The following CACNB4 variants were observed in gnomAD, a reference collection of about 807,000 sequenced individuals.
CACNB4 encodes calcium voltage-gated channel auxiliary subunit beta 4.
Under a neutral mutation model 71.2 loss-of-function variants are expected in CACNB4, and 32 were observed. The ratio of observed to expected loss-of-function variants is 0.45; its 90% CI spans 0.34 to 0.60. The LOEUF (loss-of-function observed/expected upper bound fraction) is 0.60, where lower values mean the gene tolerates loss of function less well. Ranked by LOEUF, CACNB4 falls within the 20% of genes least tolerant of loss-of-function variation. The probability of loss-of-function intolerance (pLI) is 0.01; values close to 1 mark genes in which losing one functional copy is unlikely to be tolerated. For synonymous variants in CACNB4, 231 were observed against 236.9 expected, an observed-to-expected ratio of 0.97 and a Z score of 0.23; for missense variants, 464 against 647.9, an observed-to-expected ratio of 0.72 and a Z score of 3.08.
At chr2:152,069,009 C>T (rs539203675) in intron 2 of CACNB4, among the ~76,000 whole-genome samples, 10 of 152,274 alleles carry the variant, frequency 6.6e-5, no homozygotes, top group African/African-American at 2.2e-4. Context: ...AAAGAGGTGC[C>T]GGATGCTTGG....
chr2:152,071,145 T>A (rs1686666147), intron 2 of CACNB4, among the ~76,000 whole-genome samples: 1 of 152,244 alleles, frequency 6.6e-6, no homozygotes, highest in Non-Finnish European at 1.5e-5. Flanking sequence ...AATCAAAGGC[T>A]GTATACTTAA....
intron 2 of CACNB4, among the ~76,000 whole-genome samples, chr2:151,887,210 A>G (rs1315611484): frequency 6.6e-6 from 1 of 152,254 alleles, no homozygotes; most frequent in East Asian, 1.9e-4. Flanking sequence ...ATTTTCTAGC[A>G]TTCTATTCAT....
In CACNB4 at chr2:151,832,930, CG is replaced by C. The variant is rs2099834130; in HGVS notation, c.*6188del. 3 of 152,156 alleles carry C rather than the reference CG, an allele frequency of 2.0e-5. No homozygotes were observed. Among genetic ancestry groups the C allele is most frequent in the South Asian group, 2.1e-4 (1 of 4,828 alleles). The allele number at this position is 152,156 out of a possible 1,614,324, so 9.4% of individuals were successfully genotyped here. A position where few individuals can be genotyped will look rare whatever the true frequency, so the allele number is the denominator to read the frequency against. ...GTTTTTATTCACAAAAATAACACCA[CG>C]TTTTTTTCTTTAAAGCCACTAAAGC... On this transcript the variant is annotated 3_prime_UTR_variant, in exon 14 of 14. Coordinates refer to ENST00000539935, the MANE Select transcript of CACNB4 (RefSeq NM_000726.5).
At chr2:151,958,838 G>A (rs181633147) in intron 2 of CACNB4, among the ~76,000 whole-genome samples, 5 of 152,198 alleles carry the variant, frequency 3.3e-5, no homozygotes, top group African/African-American at 7.2e-5. Context: ...ATCTGTGAAC[G>A]GCTCCCAATT....
intron 2 of CACNB4, among the ~76,000 whole-genome samples, chr2:152,074,073 G>A (rs1686854514): frequency 6.6e-6 from 1 of 151,998 alleles, no homozygotes; most frequent in African/African-American, 2.4e-5. Flanking sequence ...AGGCAGGCAG[G>A]GGAGGAATGG....
intron 2 of CACNB4, among the ~76,000 whole-genome samples, chr2:152,077,925 T>A (rs1007473209): frequency 5.9e-5 from 9 of 152,200 alleles, no homozygotes; most frequent in Non-Finnish European, 8.8e-5. Context: ...TGGCCTGATC[T>A]GATTTCCTTT....
intron 2 of CACNB4, among the ~76,000 whole-genome samples, chr2:152,097,138 A>G (rs1283119712): frequency 6.6e-6 from 1 of 152,232 alleles, no homozygotes; most frequent in East Asian, 1.9e-4. Flanking sequence ...GCTGAATTAA[A>G]TGGTAGTCAA....
chr2:151,945,116 T>A (rs1392254021), intron 2 of CACNB4, among the ~76,000 whole-genome samples: 1 of 152,232 alleles, frequency 6.6e-6, no homozygotes, highest in Non-Finnish European at 1.5e-5. Context: ...AATAAGTGAC[T>A]GAGACACTCG....
At chr2:151,923,530 G>A (rs2099859477) in intron 2 of CACNB4, among the ~76,000 whole-genome samples, 3 of 152,238 alleles carry the variant, frequency 2.0e-5, no homozygotes, top group Non-Finnish European at 1.5e-5. Flanking sequence ...ACTAGGTGCA[G>A]GGAGCTGGAG....
At chr2:152,009,236 T>C (rs1314665249) in intron 2 of CACNB4, among the ~76,000 whole-genome samples, 1 of 151,470 alleles carries the variant, frequency 6.6e-6, no homozygotes, top group African/African-American at 2.4e-5. Context: ...AAGCATCTCT[T>C]GCAAAGTAGC....
intron 13 of CACNB4, 99 bp from the exon 14 acceptor site, chr2:151,839,478 T>A (rs1398043926): frequency 1.4e-5 from 13 of 953,176 alleles, no homozygotes; most frequent in Non-Finnish European, 2.1e-5. Context: ...AATAAGATGC[T>A]AAATATCTGA....
intron 2 of CACNB4, among the ~76,000 whole-genome samples, chr2:152,076,304 G>T (rs1479252733): frequency 7.0e-6 from 1 of 142,828 alleles, no homozygotes; most frequent in African/African-American, 2.6e-5. Flanking sequence ...ACCACACCTG[G>T]CTAATTTTTT....
intron 2 of CACNB4, among the ~76,000 whole-genome samples, chr2:152,087,431 C>CAAAA (rs754057435): frequency 2.5e-5 from 2 of 79,450 alleles, no homozygotes; most frequent in African/African-American, 4.4e-5. Flanking sequence ...GACCCCATCT[C>CAAAA]AAAAAAAAAA....
intron 2 of CACNB4, among the ~76,000 whole-genome samples, chr2:152,046,236 C>T (rs901953625): frequency 3.9e-5 from 6 of 152,144 alleles, no homozygotes; most frequent in East Asian, 3.8e-4. Flanking sequence ...GCCCAGAACA[C>T]GTAGCACCCC....
chr2:151,989,865 T>C (rs1477208754), intron 2 of CACNB4, among the ~76,000 whole-genome samples: 1 of 152,220 alleles, frequency 6.6e-6, no homozygotes, highest in Non-Finnish European at 1.5e-5. Flanking sequence ...TTGTCCAATT[T>C]GGAAATCTAG....
chr2:151,927,578 AG>A (rs1201873926), intron 2 of CACNB4, among the ~76,000 whole-genome samples: 1 of 152,214 alleles, frequency 6.6e-6, no homozygotes, highest in African/African-American at 2.4e-5. Context: ...TTGGTTGTCT[AG>A]AAAAGTAGCA....
chr2:151,860,353 G>A (rs906834440), intron 10 of CACNB4: 8 of 260,440 alleles, frequency 3.1e-5, no homozygotes, highest in East Asian at 1.2e-4. Context: ...TGAACACCTC[G>A]TTTCCTTTTA....
At chr2:152,034,136 C>T (rs1330900868) in intron 2 of CACNB4, among the ~76,000 whole-genome samples, 2 of 152,194 alleles carry the variant, frequency 1.3e-5, no homozygotes, top group Non-Finnish European at 2.9e-5. Flanking sequence ...AAGATGGACT[C>T]GGAGTGGCTT....
chr2:151,928,243 A>T (rs1291442534), intron 2 of CACNB4, among the ~76,000 whole-genome samples: 2 of 152,208 alleles, frequency 1.3e-5, no homozygotes, highest in Admixed American at 1.3e-4. Flanking sequence ...TCTATTACTG[A>T]ATGACTATCG....
Sources: gnomAD v4.1 joint callset for allele counts (sites outside exome capture counted in the v4.1 genomes callset) on GRCh38, gnomAD v4.1.1 for gene constraint, MANE v1.5 for transcripts, NCBI Gene and HGNC (gene_info 2026-07-23, HGNC 2026-07-21) for gene names.